Variants in THRAP3 observed in about 807,000 individuals in gnomAD.
The protein encoded by THRAP3 is thyroid hormone receptor associated protein 3.
In THRAP3, 16 loss-of-function variants were observed where a neutral mutation model predicts 101.0. The ratio of observed to expected loss-of-function variants is 0.16; its 90% CI spans 0.11 to 0.24. The LOEUF is 0.24. Ranked by LOEUF, THRAP3 falls within the 10% of genes least tolerant of loss-of-function variation. The probability of loss-of-function intolerance (pLI) is 1.00; values close to 1 mark genes in which losing one functional copy is unlikely to be tolerated. For missense variants in THRAP3, 989 were observed against 1,202.7 expected, an observed-to-expected ratio of 0.82 and a Z score of 2.63; for synonymous variants, 407 against 422.6, an observed-to-expected ratio of 0.96 and a Z score of 0.45.
chr1:36,300,800 AT>A, intron 9 of THRAP3, 85 bp from the exon 10 acceptor site: 1 of 1,343,432 alleles, frequency 7.4e-7, no homozygotes, highest in South Asian at 1.3e-5. Context: ...CATACTTTTG[AT>A]TGCCCTGTGC....
chr1:36,228,752 G>A (rs1387832153), intron 1 of THRAP3, among the ~76,000 whole-genome samples: 5 of 152,212 alleles, frequency 3.3e-5, no homozygotes, highest in African/African-American at 1.2e-4. Context: ...TTTTCTCAAG[G>A]AAAATGTGTT....
intron 1 of THRAP3, among the ~76,000 whole-genome samples, chr1:36,233,834 G>C (rs1424542998): frequency 6.6e-6 from 1 of 152,176 alleles, no homozygotes; most frequent in Admixed American, 6.6e-5. Context: ...CTGCAGAACT[G>C]CAGGTAACTA....
chr1:36,299,183 G>A (rs909310875), intron 9 of THRAP3, among the ~76,000 whole-genome samples: 2 of 151,364 alleles, frequency 1.3e-5, no homozygotes, highest in African/African-American at 4.8e-5. Flanking sequence ...GCTCACGCCT[G>A]TAATCCCAGC....
the THRAP3 span, among the ~76,000 whole-genome samples, chr1:36,214,026 GAAAGAAA>G: frequency 1.6e-5 from 2 of 126,226 alleles, no homozygotes; most frequent in Middle Eastern, 4.5e-3. Context: ...AAGAAAGAAA[GAAAGAAA>G]GAAAGAAAGA....
chr1:36,285,997 C>T (rs892019138), intron 3 of THRAP3, among the ~76,000 whole-genome samples: 3 of 152,084 alleles, frequency 2.0e-5, no homozygotes, highest in Non-Finnish European at 4.4e-5. Context: ...GACCTGGAGC[C>T]CTGTTAAAAT....
At chr1:36,298,641 A>C (rs1645984840) in intron 9 of THRAP3, among the ~76,000 whole-genome samples, 2 of 152,084 alleles carry the variant, frequency 1.3e-5, no homozygotes, top group Admixed American at 6.5e-5. Context: ...CTAGGAGTAC[A>C]GGTATGCACC....
Position 36,289,576 on chromosome 1 carries a change from G to T in THRAP3, c.1557G>T (p.Lys519Asn). Residue 519 changes from lysine to asparagine, a missense_variant, in exon 5 of 12, where the codon AAG becomes AAT. Transcript: ENST00000354618. ...GGCACAGGGGCTTTGTGCCTGAGAA[G>T]AATTTCCGAGTGACTGCTTATAAAG... is the stretch of plus-strand genomic sequence containing the variant. ...EGGHRGFVPEKNFRVTAYKAV... is the reference protein window; with the variant it reads ...EGGHRGFVPENNFRVTAYKAV... 1 of 1,614,020 alleles carries T rather than the reference G, an allele frequency of 6.2e-7. No homozygotes were observed. Among genetic ancestry groups the T allele is most frequent in the Non-Finnish European group, 8.5e-7 (1 of 1,179,986 alleles).
At chr1:36,211,232 G>A in the THRAP3 span, among the ~76,000 whole-genome samples, 3 of 151,790 alleles carry the variant, frequency 2.0e-5, no homozygotes, top group South Asian at 2.1e-4. Flanking sequence ...CTGGTGGCAC[G>A]CGCCTGTGTT....
At chr1:36,256,203 TA>T (rs1645372683) in intron 1 of THRAP3, among the ~76,000 whole-genome samples, 1 of 145,718 alleles carries the variant, frequency 6.9e-6, no homozygotes, top group African/African-American at 2.5e-5. Flanking sequence ...TTATTATTAT[TA>T]TTATTGTTAT....
chr1:36,246,455 A>G (rs983311414), intron 1 of THRAP3, among the ~76,000 whole-genome samples: 1 of 152,102 alleles, frequency 6.6e-6, no homozygotes, highest in Non-Finnish European at 1.5e-5. Context: ...CTGGTCCCGA[A>G]CTCCTGATCT....
chr1:36,299,906 C>T (rs555321339), intron 9 of THRAP3, among the ~76,000 whole-genome samples: 1 of 152,196 alleles, frequency 6.6e-6, no homozygotes. Flanking sequence ...CTTAGATTTC[C>T]CCTTTGTATG....
Position 36,291,385 on chromosome 1 carries a change from T to C in THRAP3, c.1757T>C (p.Leu586Ser). Residue 586 changes from leucine (L) to serine (S), a missense_variant, in exon 6 of 12, where the codon TTA becomes TCA. Leu to Ser is a moderately radical substitution (Grantham distance 145). Transcript: ENST00000354618. ...TATTTCTTTTTCAGACCCAGTGGCT[T>C]ATTGGCTCAGGAACGCAAGCTTTGC... ...FDEDLARPSG[L>S]LAQERKLCRD... The C allele has an allele frequency of 1.2e-6, 2 of 1,613,796 alleles. No individual in the cohort carries two copies. Among genetic ancestry groups the C allele is most frequent in the Non-Finnish European group, 1.7e-6 (2 of 1,179,960 alleles).
chr1:36,266,904 G>A (rs1645521890), intron 2 of THRAP3, among the ~76,000 whole-genome samples: 1 of 145,054 alleles, frequency 6.9e-6, no homozygotes, highest in African/African-American at 2.5e-5. Flanking sequence ...TTTTGAGATA[G>A]AGTTTTACTC....
Position 36,287,287 on chromosome 1 carries a change from C to A in THRAP3, c.1040+17C>A. On this transcript the variant is annotated intron_variant, in intron 4 of 11. Coordinates refer to ENST00000354618, the MANE Select transcript of THRAP3 (RefSeq NM_005119.4). ...TACAAAGAGGCAAGTATCTCATTTCCCCTGCCTGGTTGTGTTTTTATCTCA... is the reference window on the plus strand; with the variant it reads ...TACAAAGAGGCAAGTATCTCATTTCACCTGCCTGGTTGTGTTTTTATCTCA... 6.4e-7 allele frequency: 1 copy of A among 1,572,280 alleles called. No homozygotes were observed. Among genetic ancestry groups the A allele is most frequent in the Non-Finnish European group, 8.6e-7 (1 of 1,158,674 alleles).
intron 11 of THRAP3, among the ~76,000 whole-genome samples, chr1:36,301,942 G>T (rs776328010): frequency 5.3e-5 from 8 of 152,214 alleles, no homozygotes; most frequent in Non-Finnish European, 1.0e-4. Flanking sequence ...CATTGGTCTT[G>T]TCTTTTTAGT....
At chr1:36,250,230 T>A (rs1336834780) in intron 1 of THRAP3, among the ~76,000 whole-genome samples, 1 of 151,902 alleles carries the variant, frequency 6.6e-6, no homozygotes, top group South Asian at 2.1e-4. Flanking sequence ...TTTTTTTTTT[T>A]TGAGACAAAG....
chr1:36,224,275 A>C (rs887962331), upstream of THRAP3: 4 of 152,314 alleles, frequency 2.6e-5, no homozygotes, highest in Admixed American at 2.6e-4. Flanking sequence ...CGAGCGCGTG[A>C]CGCAAAGCGG....
chr1:36,292,538 G>C, intron 6 of THRAP3, 60 bp from the exon 7 acceptor site: 1 of 1,345,634 alleles, frequency 7.4e-7, no homozygotes. Context: ...CGAAAGTGGT[G>C]GGATTATAGG....
intron 1 of THRAP3, among the ~76,000 whole-genome samples, chr1:36,240,359 G>A (rs980350442): frequency 2.0e-5 from 3 of 152,174 alleles, no homozygotes; most frequent in African/African-American, 7.2e-5. Context: ...GAGTCCAAAG[G>A]CTGAAGAACC....
Sources: allele counts gnomAD v4.1 joint callset (sites outside exome capture counted in the v4.1 genomes callset), GRCh38; gene constraint gnomAD v4.1.1; transcripts MANE v1.5; gene names NCBI Gene and HGNC (gene_info 2026-07-23, HGNC 2026-07-21).